KALRN: variants seen among roughly 807,000 people sequenced by gnomAD.
KALRN encodes the protein kalirin RhoGEF kinase.
KALRN carries 70 observed loss-of-function variants against 353.7 expected under a neutral mutation model. The ratio of observed to expected loss-of-function variants is 0.20; its 90% CI spans 0.16 to 0.24. The LOEUF (loss-of-function observed/expected upper bound fraction) is 0.24. Ranked by LOEUF, KALRN falls within the 10% of genes least tolerant of loss-of-function variation. KALRN has a pLI of 1.00. For missense variants in KALRN, 2,791 were observed against 3,756.7 expected, an observed-to-expected ratio of 0.74 and a Z score of 6.72; for synonymous variants, 1,391 against 1,434.8, an observed-to-expected ratio of 0.97 and a Z score of 0.69.
At chr3:124,666,894 A>T in intron 46 of KALRN, 118 bp from the exon 47 acceptor site, 1 of 1,059,144 alleles carries the variant, frequency 9.4e-7, no homozygotes, top group Non-Finnish European at 1.3e-6. Context: ...CTGTCCTGCT[A>T]GATCCAGGGC....
chr3:124,485,823 T>TGAGCTGAGATTGCACC (rs2062509651), intron 28 of KALRN, among the ~76,000 whole-genome samples: 1 of 152,154 alleles, frequency 6.6e-6, no homozygotes, highest in Non-Finnish European at 1.5e-5. Flanking sequence ...GAGGTTGCAG[T>TGAGCTGAGATTGCACC]GAGCTGAGAT....
intron 1 of KALRN, among the ~76,000 whole-genome samples, chr3:124,098,849 A>G (rs1194769272): frequency 6.6e-6 from 1 of 152,232 alleles, no homozygotes; most frequent in Non-Finnish European, 1.5e-5. Flanking sequence ...ACAGTGTAGG[A>G]GGTATGTGGA....
At chr3:124,502,407 G>A (rs1337118637) in intron 33 of KALRN, among the ~76,000 whole-genome samples, 1 of 152,188 alleles carries the variant, frequency 6.6e-6, no homozygotes, top group Non-Finnish European at 1.5e-5. Context: ...GCTGTGAGCA[G>A]CCAACAGGCA....
At chr3:124,405,709 T>C (rs1445720303) in intron 13 of KALRN, among the ~76,000 whole-genome samples, 2 of 143,152 alleles carry the variant, frequency 1.4e-5, no homozygotes, top group Non-Finnish European at 3.0e-5. Flanking sequence ...AATGACACAA[T>C]CTTGGCTCAC....
At position 124,304,277 on chromosome 3, in the gene KALRN, C is replaced by G. The variant is rs2077507287; in HGVS notation, c.1092+5364C>G. On this transcript the variant is annotated intron_variant, in intron 6 of 59. Coordinates refer to ENST00000682506, the MANE Select transcript of KALRN (RefSeq NM_001388419.1). Reference sequence around the variant, plus strand: ...GAAGAGTTCAATCTTATCCAGTAAGCATTAGTCTTTTTAGTATAATTTTTT... The same window carrying G: ...GAAGAGTTCAATCTTATCCAGTAAGGATTAGTCTTTTTAGTATAATTTTTT... Among the ~76,000 whole-genome samples, 7 of 152,188 alleles carry G rather than the reference C, an allele frequency of 4.6e-5. No individual in the cohort carries two copies. The South Asian group carries it at 1.5e-3, about 32-fold the overall frequency.
chr3:124,477,273 A>T lies in KALRN; in HGVS notation c.4130A>T (p.Tyr1377Phe). Residue 1377 changes from tyrosine (Y) to phenylalanine (F), a missense_variant, in exon 27 of 60, where the codon TAC becomes TTC. Physicochemically the swap from Tyr to Phe is conservative, Grantham distance 22. Transcript: ENST00000682506. ...GACAAATTTCAGATGTATGTCACCT[A>T]CTGTAAAAACAAGCCTGATTCCAAC... ...WADKFQMYVT[Y>F]CKNKPDSNQL... is the part of the protein sequence containing the mutation. 6.2e-7 allele frequency: 1 copy of T among 1,613,698 alleles called. No individual in the cohort carries two copies. Among genetic ancestry groups the T allele is most frequent in the Non-Finnish European group, 8.5e-7 (1 of 1,179,558 alleles).
intron 1 of KALRN, among the ~76,000 whole-genome samples, chr3:124,144,721 C>T (rs1275994427): frequency 6.6e-6 from 1 of 151,942 alleles, no homozygotes; most frequent in Non-Finnish European, 1.5e-5. Flanking sequence ...CTCCCCTTCC[C>T]TCTTGTCTCT....
In KALRN at chr3:124,632,574, G is replaced by A; in HGVS notation, c.5337G>A (p.Arg1779=). Residue 1779 remains arginine, a synonymous_variant, in exon 35 of 60, where the codon CGG becomes CGA. Coordinates refer to ENST00000682506, the MANE Select transcript of KALRN (RefSeq NM_001388419.1). ...LKKWLTSPVR[R]LNSGKADGNI... ...AGTGGCTGACGAGTCCTGTGCGTCG[G>A]CTTAACAGCGGGAAGGCAGATGGAA... 3.1e-6 allele frequency: 5 copies of A among 1,614,202 alleles called. No individual in the cohort carries two copies. Among genetic ancestry groups the A allele is most frequent in the Non-Finnish European group, 3.4e-6 (4 of 1,180,032 alleles).
chr3:124,500,336 T>C (rs1473769937), intron 33 of KALRN, among the ~76,000 whole-genome samples: 2 of 152,224 alleles, frequency 1.3e-5, no homozygotes, highest in Non-Finnish European at 2.9e-5. Flanking sequence ...ATTGGATAAA[T>C]GCATCTTCTG....
intron 25 of KALRN, among the ~76,000 whole-genome samples, chr3:124,465,523 C>A (rs1467018632): frequency 1.3e-5 from 2 of 152,142 alleles, no homozygotes; most frequent in Non-Finnish European, 2.9e-5. Context: ...TTCCCCATCA[C>A]TACAAGAACC....
intron 33 of KALRN, among the ~76,000 whole-genome samples, chr3:124,543,168 G>A (rs1027486370): frequency 1.3e-5 from 2 of 152,106 alleles, no homozygotes; most frequent in African/African-American, 4.8e-5. Flanking sequence ...CCTAGTTTCA[G>A]AGGTCACGCA....
At chr3:124,563,529 G>A (rs2072333449) in intron 34 of KALRN, among the ~76,000 whole-genome samples, 1 of 152,196 alleles carries the variant, frequency 6.6e-6, no homozygotes, top group Admixed American at 6.5e-5. Flanking sequence ...GGAGACACCA[G>A]GCACACCCAG....
chr3:124,089,668 T>G (rs2061004030), intron 1 of KALRN, among the ~76,000 whole-genome samples: 1 of 151,946 alleles, frequency 6.6e-6, no homozygotes, highest in African/African-American at 2.4e-5. Context: ...AGAATTCCTT[T>G]GCAATGTAGG....
At chr3:124,365,970 G>A (rs974319712) in intron 10 of KALRN, among the ~76,000 whole-genome samples, 11 of 152,120 alleles carry the variant, frequency 7.2e-5, no homozygotes, top group Non-Finnish European at 1.2e-4. Flanking sequence ...AAACAATTCA[G>A]GGTTATGAAT....
At chr3:124,305,005 T>G (rs1340060921) in intron 6 of KALRN, among the ~76,000 whole-genome samples, 1 of 152,166 alleles carries the variant, frequency 6.6e-6, no homozygotes, top group East Asian at 1.9e-4. Flanking sequence ...AATTTCCATG[T>G]TGGGAGAGAT....
chr3:124,144,491 G>A (rs979775495), intron 1 of KALRN, among the ~76,000 whole-genome samples: 5 of 151,682 alleles, frequency 3.3e-5, no homozygotes, highest in South Asian at 2.1e-4. Context: ...CATCATCCTC[G>A]TCCTCCTCCT....
chr3:124,712,352 A>T (rs1000939212), intron 57 of KALRN, among the ~76,000 whole-genome samples: 1 of 152,236 alleles, frequency 6.6e-6, no homozygotes, highest in Non-Finnish European at 1.5e-5. Flanking sequence ...AAATGTTTTT[A>T]AAATTATCGT....
At chr3:124,116,532 T>C (rs1036516431) in intron 1 of KALRN, among the ~76,000 whole-genome samples, 2 of 152,154 alleles carry the variant, frequency 1.3e-5, no homozygotes, top group African/African-American at 4.8e-5. Flanking sequence ...GCTTTTCTTA[T>C]CTTAAGTCTT....
chr3:124,321,928 A>G (rs2079383330), intron 6 of KALRN, among the ~76,000 whole-genome samples: 1 of 152,184 alleles, frequency 6.6e-6, no homozygotes, highest in African/African-American at 2.4e-5. Flanking sequence ...CAGACTGCAT[A>G]TATAGGGGGG....
Sources: gnomAD v4.1 joint callset for allele counts (sites outside exome capture counted in the v4.1 genomes callset) on GRCh38, gnomAD v4.1.1 for gene constraint, MANE v1.5 for transcripts, NCBI Gene and HGNC (gene_info 2026-07-23, HGNC 2026-07-21) for gene names.